The following CHL1 variants were observed in gnomAD, a reference collection of about 807,000 sequenced individuals.
CHL1 encodes the protein cell adhesion molecule L1 like.
Under a neutral mutation model 141.9 loss-of-function variants are expected in CHL1, and 96 were observed. That is an observed-to-expected ratio of 0.68 (90% CI 0.57 to 0.80). The LOEUF (loss-of-function observed/expected upper bound fraction) is 0.80. Among genes scored for constraint, CHL1 ranks in the 30% least tolerant of loss-of-function variants. The pLI, the probability that CHL1 is intolerant of heterozygous loss-of-function variation, is 0.00. For synonymous variants in CHL1, 613 were observed against 502.2 expected (o/e 1.22, Z -2.95); for missense variants, 1,820 against 1,457.2 (o/e 1.25, Z -4.05).
At chr3:369,257 T>C (rs1705312099) in intron 15 of CHL1, among the ~76,000 whole-genome samples, 1 of 152,038 alleles carries the variant, frequency 6.6e-6, no homozygotes, top group Non-Finnish European at 1.5e-5. Context: ...CATTTGTTTA[T>C]GTCCTTTTTT....
At chr3:216,612 A>G (rs1309701121) in intron 1 of CHL1, among the ~76,000 whole-genome samples, 1 of 152,204 alleles carries the variant, frequency 6.6e-6, no homozygotes, top group Non-Finnish European at 1.5e-5. Context: ...CTGAACTTCA[A>G]ATTTCTCCTA....
chr3:237,850 T>C (rs994957902), intron 1 of CHL1, among the ~76,000 whole-genome samples: 2 of 152,196 alleles, frequency 1.3e-5, no homozygotes, highest in Non-Finnish European at 2.9e-5. Context: ...TGTGATTTAG[T>C]AAAGAAATGG....
In CHL1 at chr3:389,386, T is replaced by C; in HGVS notation, c.2382T>C (p.Tyr794=). ...TGCGGGTGATGACGCCTGCTGTCTA[T>C]GCCCCTTATGATGTCAAGGTCCAGG... ...HTLRVMTPAV[Y]APYDVKVQAI... is the part of the protein sequence containing the mutation. The change falls in exon 20 of 28, where the codon TAT becomes TAC. Residue 794 remains tyrosine, a synonymous_variant. Transcript: ENST00000256509. 3.7e-6 allele frequency: 6 copies of C among 1,614,212 alleles called. No individual in the cohort carries two copies. The highest frequency in any genetic ancestry group is 5.1e-6 in the Non-Finnish European group (6 of 1,180,030).
At chr3:227,689 A>G (rs1273452230) in intron 1 of CHL1, among the ~76,000 whole-genome samples, 1 of 152,226 alleles carries the variant, frequency 6.6e-6, no homozygotes, top group Non-Finnish European at 1.5e-5. Context: ...TCAGCTTTTC[A>G]GGCAAATCGT....
chr3:325,142 C>T (rs934480307), intron 3 of CHL1, among the ~76,000 whole-genome samples: 11 of 148,880 alleles, frequency 7.4e-5, no homozygotes, highest in Non-Finnish European at 1.5e-4. Flanking sequence ...TAAACAAGCC[C>T]ATGAAAGAAC....
At chr3:279,164 A>C (rs1374826345) in intron 2 of CHL1, among the ~76,000 whole-genome samples, 21 of 152,266 alleles carry the variant, frequency 1.4e-4, no homozygotes, top group Non-Finnish European at 1.3e-4. Context: ...GGATAAAGAC[A>C]AAGAATATAG....
intron 2 of CHL1, among the ~76,000 whole-genome samples, chr3:308,114 C>T (rs145421277): frequency 2.1e-4 from 32 of 152,236 alleles, no homozygotes; most frequent in African/African-American, 7.5e-4. Flanking sequence ...TCCATATTTA[C>T]TTTAACGAGT....
intron 3 of CHL1, among the ~76,000 whole-genome samples, chr3:320,490 C>A (rs940269637): frequency 6.6e-6 from 1 of 151,696 alleles, no homozygotes; most frequent in Non-Finnish European, 1.5e-5. Flanking sequence ...CATTATAAAT[C>A]AGTTTGAACG....
chr3:224,011 T>A (rs993649770), intron 1 of CHL1, among the ~76,000 whole-genome samples: 7 of 152,170 alleles, frequency 4.6e-5, no homozygotes, highest in African/African-American at 1.7e-4. Context: ...GTTTTCACAA[T>A]AATGATGTTA....
At chr3:278,086 T>A (rs1696315711) in intron 2 of CHL1, among the ~76,000 whole-genome samples, 1 of 152,180 alleles carries the variant, frequency 6.6e-6, no homozygotes, top group South Asian at 2.1e-4. Flanking sequence ...GAAACTTTGT[T>A]CCAGTTCAAG....
intron 1 of CHL1, among the ~76,000 whole-genome samples, chr3:227,587 G>A (rs547094917): frequency 6.6e-6 from 1 of 152,212 alleles, no homozygotes; most frequent in Non-Finnish European, 1.5e-5. Flanking sequence ...CTGAATTCTG[G>A]AGACAATAGC....
At chr3:396,330 A>G (rs1269038255) in intron 24 of CHL1, among the ~76,000 whole-genome samples, 1 of 152,174 alleles carries the variant, frequency 6.6e-6, no homozygotes, top group Non-Finnish European at 1.5e-5. Flanking sequence ...CAAACATGCA[A>G]CTGCCATATT....
At chr3:386,987 A>C (rs1707785366) in intron 19 of CHL1, among the ~76,000 whole-genome samples, 1 of 152,236 alleles carries the variant, frequency 6.6e-6, no homozygotes, top group Non-Finnish European at 1.5e-5. Context: ...ATTTCAAAAC[A>C]TGTTGTACAT....
At chr3:335,584 G>T (rs544681950) in intron 5 of CHL1, among the ~76,000 whole-genome samples, 5 of 152,164 alleles carry the variant, frequency 3.3e-5, no homozygotes, top group Non-Finnish European at 7.3e-5. Flanking sequence ...GTACGGCCCT[G>T]GAAAGCTCAC....
rs577948645 is a variant in CHL1 at position 260,023 on chromosome 3, A to T, written c.-95+15331A>T. 7.2e-5 allele frequency among the ~76,000 whole-genome samples: 11 copies of T among 152,232 alleles called. No individual in the cohort carries two copies. The East Asian group carries it at 2.1e-3, about 29-fold the overall frequency. ...CTCATGCTTGCAATCCCAGCACTCT[A>T]GGAGGCCGAGGCAGGCCTATCACTC... On this transcript the variant is annotated intron_variant, in intron 2 of 27. Coordinates refer to ENST00000256509, the MANE Select transcript of CHL1 (RefSeq NM_006614.4).
chr3:317,876 G>A (rs1247363709), intron 2 of CHL1, among the ~76,000 whole-genome samples: 2 of 151,802 alleles, frequency 1.3e-5, no homozygotes, highest in African/African-American at 2.4e-5. Flanking sequence ...CATCAGAAGA[G>A]TAGTGTCAAT....
intron 1 of CHL1, among the ~76,000 whole-genome samples, chr3:224,638 A>C (rs975820337): frequency 6.6e-6 from 1 of 152,148 alleles, no homozygotes; most frequent in Non-Finnish European, 1.5e-5. Flanking sequence ...AGCCAAGCAG[A>C]TGCCAGTGCC....
chr3:213,406 G>T (rs1700054412), intron 1 of CHL1: 1 of 152,100 alleles, frequency 6.6e-6, no homozygotes, highest in South Asian at 2.1e-4. Context: ...GAAAATTTAT[G>T]AAGTTCCTGC....
At chr3:244,247 G>C (rs1179002596) in intron 1 of CHL1, among the ~76,000 whole-genome samples, 2 of 152,200 alleles carry the variant, frequency 1.3e-5, no homozygotes, top group Middle Eastern at 3.2e-3. Context: ...GATGCAAGTA[G>C]CTATTGTGCC....
Sources: gnomAD v4.1 joint callset for allele counts (sites outside exome capture counted in the v4.1 genomes callset) on GRCh38, gnomAD v4.1.1 for gene constraint, MANE v1.5 for transcripts, NCBI Gene and HGNC (gene_info 2026-07-23, HGNC 2026-07-21) for gene names.